Variants in FABP12 observed in about 807,000 individuals in gnomAD.
FABP12 encodes fatty acid-binding protein 12.
A neutral mutation model predicts 13.7 loss-of-function variants in FABP12; 19 were observed. The ratio of observed to expected loss-of-function variants is 1.39; its 90% confidence interval spans 0.97 to 2.04. The LOEUF (loss-of-function observed/expected upper bound fraction) is 2.04, where lower values mean the gene tolerates loss of function less well. Among genes scored for constraint, FABP12 ranks in the 30% most tolerant of loss-of-function variants. The probability of loss-of-function intolerance (pLI) is 0.00; values close to 1 mark genes in which losing one functional copy is unlikely to be tolerated. For missense variants in FABP12, 182 were observed against 164.2 expected, an observed-to-expected ratio of 1.11 and a Z score of -0.59; for synonymous variants, 61 against 57.0, an observed-to-expected ratio of 1.07 and a Z score of -0.32.
intron 1 of FABP12, among the ~76,000 whole-genome samples, chr8:81,552,398 A>G (rs1481839516): frequency 1.3e-5 from 2 of 152,164 alleles, no homozygotes; most frequent in Non-Finnish European, 2.9e-5. Context: ...AAATGCTTAA[A>G]AGAGATTAAA....
intron 1 of FABP12, among the ~76,000 whole-genome samples, chr8:81,545,349 A>T (rs1027545168): frequency 6.6e-6 from 1 of 152,174 alleles, no homozygotes; most frequent in African/African-American, 2.4e-5. Context: ...GAGGGACATG[A>T]TTGGACTTCT....
chr8:81,525,036 T>C, exon 5 of FABP12: 1 of 1,575,934 alleles, frequency 6.3e-7, no homozygotes, highest in Non-Finnish European at 8.7e-7. Context: ...GATGACAGCT[T>C]GAGAAAGCCT....
upstream of FABP12, among the ~76,000 whole-genome samples, chr8:81,535,973 A>G (rs1161109683): frequency 6.6e-6 from 1 of 152,182 alleles, no homozygotes; most frequent in East Asian, 1.9e-4. Context: ...CTATGGATTC[A>G]GTGTTATTTT....
chr8:81,548,554 GTT>G (rs1809475074), intron 1 of FABP12, among the ~76,000 whole-genome samples: 1 of 152,138 alleles, frequency 6.6e-6, no homozygotes, highest in Admixed American at 6.5e-5. Context: ...CTAAAGAAAT[GTT>G]TCTCAGACTT....
chr8:81,529,233 A>C, intron 3 of FABP12: 2 of 599,328 alleles, frequency 3.3e-6, no homozygotes, highest in South Asian at 4.1e-5. Context: ...TGCAATTTTC[A>C]GGGCCTCTGG....
chr8:81,533,472 G>A (rs1473529957), intron 1 of FABP12, among the ~76,000 whole-genome samples: 3 of 152,102 alleles, frequency 2.0e-5, no homozygotes, highest in Non-Finnish European at 4.4e-5. Context: ...TTCCACCCAT[G>A]AGTATATATA....
chr8:81,586,396 T>G (rs115006958), intron 1 of FABP12, among the ~76,000 whole-genome samples: 2,912 of 152,290 alleles, frequency 0.019, 65 homozygotes, highest in African/African-American at 0.056. Context: ...ACCTCTATTT[T>G]AAGTTCTTTG....
intron 1 of FABP12, among the ~76,000 whole-genome samples, chr8:81,587,602 A>C (rs1000283988): frequency 2.0e-5 from 3 of 152,016 alleles, no homozygotes; most frequent in African/African-American, 7.2e-5. Context: ...GTAATGCCCA[A>C]ACTGAGAGCC....
At chr8:81,542,062 T>G (rs1398024598) in intron 1 of FABP12, among the ~76,000 whole-genome samples, 1 of 152,074 alleles carries the variant, frequency 6.6e-6, no homozygotes. Flanking sequence ...TCTTTACTTT[T>G]GTGTCAGTGA....
chr8:81,555,859 C>G (rs1167878547), intron 1 of FABP12, among the ~76,000 whole-genome samples: 2 of 151,960 alleles, frequency 1.3e-5, no homozygotes, highest in East Asian at 3.8e-4. Flanking sequence ...TCAAGAGTGA[C>G]CAAAGACTTT....
chr8:81,585,857 T>G (rs1228930049), intron 1 of FABP12, among the ~76,000 whole-genome samples: 1 of 152,210 alleles, frequency 6.6e-6, no homozygotes, highest in Non-Finnish European at 1.5e-5. Context: ...ACTTTTATTT[T>G]AGAGTCAAAG....
rs1187212188 is a variant in FABP12 at position 81,533,884 on chromosome 8, TTGA to T, written c.-161_-159del. Among the ~76,000 whole-genome samples the T allele has an allele frequency of 6.6e-6, 1 of 152,150 alleles. No homozygotes were observed. Among genetic ancestry groups the T allele is most frequent in the Non-Finnish European group, 1.5e-5 (1 of 68,024 alleles). ...TGGACTTCTGCTGGACATACCTGACTTGATGACTCTGTGGGTCTGACGGAACCT... is the reference window on the plus strand; with the variant it reads ...TGGACTTCTGCTGGACATACCTGACTTGACTCTGTGGGTCTGACGGAACCT... On this transcript the variant is annotated 5_prime_UTR_variant, in exon 1 of 5. Transcript: ENST00000360464.
chr8:81,579,239 C>T (rs1810115566), intron 1 of FABP12, among the ~76,000 whole-genome samples: 1 of 151,634 alleles, frequency 6.6e-6, no homozygotes, highest in South Asian at 2.1e-4. Context: ...CAGTGAAATT[C>T]TGAGGAAACA....
chr8:81,564,212 G>A (rs1007001210), intron 1 of FABP12, among the ~76,000 whole-genome samples: 1 of 151,930 alleles, frequency 6.6e-6, no homozygotes, highest in African/African-American at 2.4e-5. Flanking sequence ...GAGAAATAAA[G>A]ACTTTGCCAG....
chr8:81,552,335 C>T (rs1809535323), intron 1 of FABP12, among the ~76,000 whole-genome samples: 1 of 151,996 alleles, frequency 6.6e-6, no homozygotes, highest in South Asian at 2.1e-4. Flanking sequence ...CAGGTAGTGC[C>T]AAAGCAGGAA....
chr8:81,579,828 T>G (rs1257064908), intron 1 of FABP12, among the ~76,000 whole-genome samples: 1 of 152,228 alleles, frequency 6.6e-6, no homozygotes, highest in African/African-American at 2.4e-5. Context: ...ATCTGAAAAT[T>G]GGTTTTTATT....
chr8:81,565,897 A>G (rs1809811296), intron 1 of FABP12, among the ~76,000 whole-genome samples: 2 of 152,060 alleles, frequency 1.3e-5, no homozygotes, highest in African/African-American at 2.4e-5. Flanking sequence ...CTTTCTTGAA[A>G]ATATTAATAA....
chr8:81,526,103 C>T (rs1049404768), intron 4 of FABP12: 5 of 152,126 alleles, frequency 3.3e-5, no homozygotes, highest in Admixed American at 2.6e-4. Context: ...CCTTAGTCTT[C>T]CCCTTGTGAA....
chr8:81,562,039 T>C (rs1809731994), intron 1 of FABP12, among the ~76,000 whole-genome samples: 1 of 152,160 alleles, frequency 6.6e-6, no homozygotes, highest in Non-Finnish European at 1.5e-5. Flanking sequence ...AAAGGGATTA[T>C]TTCCACTTGA....
Sources: gnomAD v4.1 joint callset for allele counts (sites outside exome capture counted in the v4.1 genomes callset) on GRCh38, gnomAD v4.1.1 for gene constraint, MANE v1.5 for transcripts, NCBI Gene and HGNC (gene_info 2026-07-23, HGNC 2026-07-21) for gene names.